The following KIAA1958 variants were observed in gnomAD, a reference collection of about 807,000 sequenced individuals.
KIAA1958 encodes the protein KIAA1958, also known as uncharacterized protein KIAA1958.
Under a neutral mutation model 47.2 loss-of-function variants are expected in KIAA1958, and 14 were observed. The observed-to-expected ratio is 0.30, with a 90% CI of 0.20 to 0.46. The LOEUF is 0.46. KIAA1958 is among the 20% of genes least tolerant of loss of function. The pLI, the probability that KIAA1958 is intolerant of heterozygous loss-of-function variation, is 1.00. For synonymous variants in KIAA1958, 354 were observed against 353.3 expected (o/e 1.00, Z -0.02); for missense variants, 803 against 909.2 (o/e 0.88, Z 1.50).
At position 112,666,507 on chromosome 9, in the gene KIAA1958, A is replaced by T. The variant is rs576012471; in HGVS notation, c.*6438A>T. Reference sequence around the variant, plus strand: ...CAGCTGAGAAGATTTAGATTTTTTTAAATTAATAGAGCTGCATCTGGCAAA... The same window carrying T: ...CAGCTGAGAAGATTTAGATTTTTTTTAATTAATAGAGCTGCATCTGGCAAA... On this transcript the variant is annotated 3_prime_UTR_variant, in exon 4 of 4. Coordinates refer to ENST00000337530, the MANE Select transcript of KIAA1958 (RefSeq NM_133465.4). 4 of 152,272 alleles carry T rather than the reference A, an allele frequency of 2.6e-5. No individual in the cohort carries two copies. The highest frequency in any genetic ancestry group is 3.9e-4 in the East Asian group (2 of 5,186). 9.4% of individuals were successfully genotyped at this position (152,272 alleles called of 1,614,324 possible).
intron 2 of KIAA1958, among the ~76,000 whole-genome samples, chr9:112,615,992 G>A (rs1054208403): frequency 1.2e-4 from 18 of 152,228 alleles, no homozygotes; most frequent in Non-Finnish European, 2.5e-4. Flanking sequence ...ATCTTTGTTT[G>A]AAGTTAGAAG....
chr9:112,520,961 C>T (rs1780907879), intron 1 of KIAA1958, among the ~76,000 whole-genome samples: 1 of 151,920 alleles, frequency 6.6e-6, no homozygotes, highest in South Asian at 2.1e-4. Context: ...TAATGTGTGC[C>T]ATCTCCTTCT....
intron 3 of KIAA1958, among the ~76,000 whole-genome samples, chr9:112,650,746 C>T (rs1290663477): frequency 8.5e-5 from 13 of 152,060 alleles, no homozygotes; most frequent in Admixed American, 5.9e-4. Flanking sequence ...GAGATACTGT[C>T]GGACTGGATT....
chr9:112,580,269 T>C (rs1049068927), intron 2 of KIAA1958, among the ~76,000 whole-genome samples: 2 of 152,164 alleles, frequency 1.3e-5, no homozygotes, highest in African/African-American at 4.8e-5. Flanking sequence ...GAGGTTTGTT[T>C]TGTTTTCTTT....
chr9:112,517,975 T>C (rs1358769693), intron 1 of KIAA1958, among the ~76,000 whole-genome samples: 1 of 152,240 alleles, frequency 6.6e-6, no homozygotes, highest in Non-Finnish European at 1.5e-5. Context: ...TGTAAAATGG[T>C]ACAGCTACTT....
intron 1 of KIAA1958, among the ~76,000 whole-genome samples, chr9:112,531,121 G>GCTCA (rs1253448727): frequency 3.9e-5 from 6 of 152,196 alleles, no homozygotes; most frequent in African/African-American, 1.4e-4. Flanking sequence ...AGGCGCTGTG[G>GCTCA]CTCACGCCTG....
chr9:112,497,839 A>C (rs1001817282), intron 1 of KIAA1958, among the ~76,000 whole-genome samples: 2 of 152,166 alleles, frequency 1.3e-5, no homozygotes, highest in Non-Finnish European at 2.9e-5. Flanking sequence ...GTATGATTAG[A>C]TTTGAGGAGA....
intron 3 of KIAA1958, among the ~76,000 whole-genome samples, chr9:112,651,397 A>T (rs575175672): frequency 4.0e-4 from 56 of 141,502 alleles, no homozygotes; most frequent in South Asian, 1.8e-3. Flanking sequence ...ATATATACAT[A>T]TTTTTTTTTT....
chr9:112,585,962 G>A (rs914562666), intron 2 of KIAA1958, among the ~76,000 whole-genome samples: 6 of 152,210 alleles, frequency 3.9e-5, no homozygotes, highest in African/African-American at 9.6e-5. Context: ...AAAGTGCCAA[G>A]TTCAGATTAG....
chr9:112,590,280 T>C lies in KIAA1958; in HGVS notation c.1171+15029T>C, dbSNP rs953683947. 7.9e-5 allele frequency among the ~76,000 whole-genome samples: 12 copies of C among 152,032 alleles called. No individual in the cohort carries two copies. The South Asian group carries it at 1.0e-3, about 13-fold the overall frequency. On this transcript the variant is annotated intron_variant, in intron 2 of 3. Transcript: ENST00000337530. ...TTAATTTTTAACACATGCCATCAAG[T>C]CTCCTCCAAAGCTTTGTTAGAATCC...
At chr9:112,569,439 A>G (rs546144388) in intron 1 of KIAA1958, among the ~76,000 whole-genome samples, 2 of 152,300 alleles carry the variant, frequency 1.3e-5, no homozygotes, top group African/African-American at 4.8e-5. Context: ...ATTCATTAAA[A>G]GCTTCTGGAA....
intron 1 of KIAA1958, among the ~76,000 whole-genome samples, chr9:112,569,169 G>C (rs1268533143): frequency 2.0e-5 from 3 of 151,966 alleles, no homozygotes; most frequent in African/African-American, 7.3e-5. Flanking sequence ...TGTTCTTTTT[G>C]AAATTCTTGT....
intron 2 of KIAA1958, among the ~76,000 whole-genome samples, chr9:112,591,364 G>A (rs889222831): frequency 1.3e-5 from 2 of 151,980 alleles, no homozygotes; most frequent in Admixed American, 6.6e-5. Flanking sequence ...GATTACAGGC[G>A]TGAGCCACCA....
intron 2 of KIAA1958, among the ~76,000 whole-genome samples, chr9:112,587,892 A>T (rs1274261555): frequency 6.6e-6 from 1 of 152,230 alleles, no homozygotes; most frequent in Non-Finnish European, 1.5e-5. Flanking sequence ...ACTTAATAAA[A>T]TATCCATAGA....
intron 1 of KIAA1958, among the ~76,000 whole-genome samples, chr9:112,549,684 G>A (rs1481510508): frequency 3.3e-5 from 5 of 152,178 alleles, no homozygotes; most frequent in African/African-American, 7.2e-5. Flanking sequence ...CCAAGCCTTC[G>A]GTGGGGCGAG....
chr9:112,498,290 C>T (rs112755159), intron 1 of KIAA1958, among the ~76,000 whole-genome samples: 122 of 152,196 alleles, frequency 8.0e-4, no homozygotes, highest in African/African-American at 2.7e-3. Context: ...GGAAAGGTGG[C>T]GGTTCAGTTG....
rs1360361830 is a variant in KIAA1958 at position 112,487,103 on chromosome 9, G to A, written c.-40G>A. On this transcript the variant is annotated 5_prime_UTR_variant, in exon 1 of 4. Transcript: ENST00000337530. ...GCCGACCGCGTTCCTATGGACAGAC[G>A]CACAGACACCTGCAGGTGGGTGAGA... 23 of 216,422 alleles carry A rather than the reference G, an allele frequency of 1.1e-4. No individual in the cohort carries two copies. Among genetic ancestry groups the A allele is most frequent in the Non-Finnish European group, 1.9e-4 (20 of 106,610 alleles). The allele number at this position is 216,422 out of a possible 1,614,324, so 13.4% of individuals were successfully genotyped here.
Position 112,591,615 on chromosome 9 carries a change from A to G in KIAA1958, c.1171+16364A>G, listed in dbSNP as rs537015967. Among the ~76,000 whole-genome samples the G allele has an allele frequency of 8.6e-5, 13 of 151,684 alleles. No individual in the cohort carries two copies. In the South Asian group the frequency reaches 1.3e-3, roughly 15 times the overall value. On this transcript the variant is annotated intron_variant, in intron 2 of 3. Transcript: ENST00000337530. ...TATTCTTAAAAAGCAGCATGAGGCC[A>G]GATGTGGTGGCTCATGCCTGTAATC...
At chr9:112,615,806 A>G (rs1337006819) in intron 2 of KIAA1958, among the ~76,000 whole-genome samples, 1 of 152,238 alleles carries the variant, frequency 6.6e-6, no homozygotes, top group Non-Finnish European at 1.5e-5. Context: ...TGAGGAGCCA[A>G]ACAAAATTTA....
Sources: allele counts gnomAD v4.1 joint callset (sites outside exome capture counted in the v4.1 genomes callset), GRCh38; gene constraint gnomAD v4.1.1; transcripts MANE v1.5; gene names NCBI Gene and HGNC (gene_info 2026-07-23, HGNC 2026-07-21).